Variants in NBAS observed in about 807,000 individuals in gnomAD.
NBAS encodes the protein NBAS subunit of NRZ tethering complex, also known as NAG/BC035112 fusion.
Under a neutral mutation model 302.5 loss-of-function variants are expected in NBAS, and 219 were observed. The ratio of observed to expected loss-of-function variants is 0.72; its 90% CI spans 0.65 to 0.81. The LOEUF is 0.81. Among genes scored for constraint, NBAS ranks in the 30% least tolerant of loss-of-function variants. The probability of loss-of-function intolerance (pLI) is 0.00; values close to 1 mark genes in which losing one functional copy is unlikely to be tolerated. For missense variants in NBAS, 2,932 were observed against 2,841.6 expected (o/e 1.03, Z -0.72); for synonymous variants, 1,118 against 1,021.6 (o/e 1.09, Z -1.80).
chr2:15,310,980 A>G (rs1671248901), intron 38 of NBAS, among the ~76,000 whole-genome samples: 1 of 152,246 alleles, frequency 6.6e-6, no homozygotes, highest in African/African-American at 2.4e-5. Context: ...ATGATACAGC[A>G]GGAAGGAAAC....
intron 21 of NBAS, among the ~76,000 whole-genome samples, chr2:15,439,771 A>G (rs185468679): frequency 6.6e-6 from 1 of 152,192 alleles, no homozygotes; most frequent in African/African-American, 2.4e-5. Flanking sequence ...GGGGTGACAG[A>G]CAGCACCTGG....
At chr2:15,530,735 G>A (rs377249266) in intron 9 of NBAS, among the ~76,000 whole-genome samples, 1 of 150,656 alleles carries the variant, frequency 6.6e-6, no homozygotes. Flanking sequence ...AGAATTAAAA[G>A]AAAAAAAAAT....
chr2:15,539,780 C>T (rs1404706675), intron 6 of NBAS, among the ~76,000 whole-genome samples: 2 of 152,058 alleles, frequency 1.3e-5, no homozygotes, highest in Non-Finnish European at 2.9e-5. Flanking sequence ...CTTTTAAATA[C>T]ATCAAATATA....
At chr2:15,145,905 AGGTGAAT>A in the NBAS span, among the ~76,000 whole-genome samples, 5 of 152,052 alleles carry the variant, frequency 3.3e-5, no homozygotes, top group African/African-American at 1.2e-4. Flanking sequence ...TCTAAACATA[AGGTGAAT>A]GCTTTCTTCG....
chr2:14,989,287 A>ATGTGTGTGTGTGTGTGTGTGTG, the NBAS span, among the ~76,000 whole-genome samples: 1 of 70,950 alleles, frequency 1.4e-5, no homozygotes, highest in Non-Finnish European at 2.9e-5. Context: ...TAGTAGATGT[A>ATGTGTGTGTGTGTGTGTGTGTG]TGTGTATGTG....
chr2:15,077,029 C>T, the NBAS span, among the ~76,000 whole-genome samples: 1 of 152,154 alleles, frequency 6.6e-6, no homozygotes, highest in Non-Finnish European at 1.5e-5. Flanking sequence ...CCACTGGGAT[C>T]CTGTATTAGT....
the NBAS span, among the ~76,000 whole-genome samples, chr2:15,025,940 C>G: frequency 4.6e-5 from 7 of 152,248 alleles, no homozygotes; most frequent in African/African-American, 1.7e-4. Flanking sequence ...CTCATCCTAT[C>G]TGGGTGCATT....
intron 26 of NBAS, among the ~76,000 whole-genome samples, chr2:15,400,403 G>A (rs113920580): frequency 9.9e-5 from 15 of 152,202 alleles, no homozygotes; most frequent in African/African-American, 2.6e-4. Context: ...ACCTAGTTCC[G>A]CAGTATAAAC....
At chr2:15,391,999 A>G (rs1203130374) in intron 28 of NBAS, among the ~76,000 whole-genome samples, 1 of 149,364 alleles carries the variant, frequency 6.7e-6, no homozygotes, top group Non-Finnish European at 1.5e-5. Context: ...TGTACAAATG[A>G]ATCACTGGCA....
chr2:15,485,356 T>C (rs941472565), intron 12 of NBAS, among the ~76,000 whole-genome samples: 1 of 152,220 alleles, frequency 6.6e-6, no homozygotes, highest in Non-Finnish European at 1.5e-5. Context: ...TTTCAAATAA[T>C]AGGATGCCAC....
the NBAS span, among the ~76,000 whole-genome samples, chr2:14,961,390 A>G: frequency 6.6e-6 from 1 of 152,068 alleles, no homozygotes; most frequent in Non-Finnish European, 1.5e-5. Flanking sequence ...GGAAGTAATG[A>G]GTGAGTTACT....
At chr2:14,894,129 T>C in the NBAS span, among the ~76,000 whole-genome samples, 1 of 152,188 alleles carries the variant, frequency 6.6e-6, no homozygotes, top group African/African-American at 2.4e-5. Context: ...TTTTGTTACC[T>C]TTAGACTTAC....
chr2:15,058,838 G>C, the NBAS span, among the ~76,000 whole-genome samples: 6 of 152,154 alleles, frequency 3.9e-5, no homozygotes, highest in Admixed American at 3.9e-4. Context: ...CTGACTATTT[G>C]TTGACTTGTG....
intron 41 of NBAS, among the ~76,000 whole-genome samples, chr2:15,290,140 G>C (rs3805096): frequency 0.24 from 35,890 of 151,398 alleles, 4,684 homozygotes; most frequent in Middle Eastern, 0.39. Context: ...GAGAAGAGAA[G>C]AGAAAAGGGA....
chr2:15,172,767 T>C (rs539315620), intron 51 of NBAS, among the ~76,000 whole-genome samples: 101 of 152,188 alleles, frequency 6.6e-4, no homozygotes, highest in Non-Finnish European at 1.2e-3. Flanking sequence ...GTCCAGAGAA[T>C]TAGTTGACTT....
the NBAS span, among the ~76,000 whole-genome samples, chr2:15,044,172 A>T: frequency 6.6e-6 from 1 of 152,166 alleles, no homozygotes; most frequent in African/African-American, 2.4e-5. Flanking sequence ...ACAATTCCCC[A>T]GTTGTGCTTC....
chr2:15,188,082 G>C (rs1665170936), intron 49 of NBAS, among the ~76,000 whole-genome samples: 1 of 152,140 alleles, frequency 6.6e-6, no homozygotes, highest in Non-Finnish European at 1.5e-5. Flanking sequence ...ATGCTGCTTG[G>C]CCAGCATGGT....
At chr2:15,187,332 G>C (rs1013622659) in intron 49 of NBAS, among the ~76,000 whole-genome samples, 2 of 151,990 alleles carry the variant, frequency 1.3e-5, no homozygotes, top group Non-Finnish European at 2.9e-5. Context: ...AGTGTTAATA[G>C]CAATCACACA....
the NBAS span, among the ~76,000 whole-genome samples, chr2:14,961,941 A>T: frequency 6.6e-6 from 1 of 152,012 alleles, no homozygotes; most frequent in African/African-American, 2.4e-5. Flanking sequence ...CACCACACCC[A>T]GCTAATGTTT....
Sources: gnomAD v4.1 joint callset for allele counts (sites outside exome capture counted in the v4.1 genomes callset) on GRCh38, gnomAD v4.1.1 for gene constraint, MANE v1.5 for transcripts, NCBI Gene and HGNC (gene_info 2026-07-23, HGNC 2026-07-21) for gene names.